ERI1: variants seen among roughly 807,000 people sequenced by gnomAD.
The protein encoded by ERI1 is 3'-5' exoribonuclease 1.
Under a neutral mutation model 39.7 loss-of-function variants are expected in ERI1, and 39 were observed. The observed-to-expected ratio is 0.98, with a 90% CI of 0.76 to 1.28. ERI1 has a LOEUF of 1.28. Ranked by LOEUF, ERI1 falls within the 50% of genes most tolerant of loss-of-function variation. The pLI is 0.00. For missense variants in ERI1, 581 were observed against 416.9 expected (o/e 1.39, Z -3.43); for synonymous variants, 204 against 149.6 (o/e 1.36, Z -2.65).
intron 3 of ERI1, among the ~76,000 whole-genome samples, chr8:9,067,381 C>CGTGT (rs1563369279): frequency 6.2e-4 from 43 of 69,088 alleles, no homozygotes; most frequent in African/African-American, 1.7e-3. Context: ...AACCTGTGTG[C>CGTGT]ATGTGTGTGT....
At chr8:9,063,155 T>C (rs930531661) in intron 3 of ERI1, among the ~76,000 whole-genome samples, 31 of 152,158 alleles carry the variant, frequency 2.0e-4, no homozygotes, top group African/African-American at 7.2e-4. Flanking sequence ...CGGCAGCAGA[T>C]TGGGTAATAA....
chr8:9,087,018 C>T (rs776613437), intron 3 of ERI1, among the ~76,000 whole-genome samples: 2 of 151,918 alleles, frequency 1.3e-5, no homozygotes, highest in Admixed American at 6.6e-5. Flanking sequence ...CTCACCTTCT[C>T]ATCTTATTTT....
chr8:9,012,338 T>G (rs1464174257), intron 3 of ERI1, among the ~76,000 whole-genome samples: 1 of 152,230 alleles, frequency 6.6e-6, no homozygotes, highest in East Asian at 1.9e-4. Flanking sequence ...GCTTTATTAG[T>G]TAAGAAAGTC....
rs183256747 is a variant in ERI1, at chr8:9,029,371, C to G, written c.808-421C>G. On this transcript the variant is annotated intron_variant, in intron 6 of 6. Transcript: ENST00000250263. ...TTTGATGGAGTCTCGCTCTGTTGTT[C>G]AGGCTGGAGTGCATTGGCATGATCT... Among the ~76,000 whole-genome samples the G allele has an allele frequency of 2.0e-4, 31 of 152,202 alleles. No individual in the cohort carries two copies. The East Asian group carries it at 2.3e-3, about 11-fold the overall frequency.
Position 9,046,809 on chromosome 8 carries a change from T to G in ERI1, n.299+26345T>G, listed in dbSNP as rs539739149. Among the ~76,000 whole-genome samples, 3 of 152,290 alleles carry G rather than the reference T, an allele frequency of 2.0e-5. No individual in the cohort carries two copies. In the South Asian group the frequency reaches 6.2e-4, roughly 32 times the overall value. ...TGGAAGAAAGCAGTGGAAGTTCCAC[T>G]CTCACAAGCAGGGCCCACATCGGCC... On this transcript the variant is annotated intron_variant and non_coding_transcript_variant, in intron 3 of 3. Coordinates refer to the ERI1 transcript ENST00000518663.
chr8:9,029,891 G>T lies in ERI1; in HGVS notation c.907G>T (p.Ala303Ser). 6.2e-7 allele frequency: 1 copy of T among 1,614,114 alleles called. No homozygotes were observed. Among genetic ancestry groups the T allele is most frequent in the South Asian group, 1.1e-5 (1 of 91,084 alleles). Reference sequence around the variant, plus strand: ...TGGTCTTGATGACTCTAAGAATATCGCCCGAATAGCAGTTCGAATGCTTCA... The same window carrying T: ...TGGTCTTGATGACTCTAAGAATATCTCCCGAATAGCAGTTCGAATGCTTCA... ...HCGLDDSKNI[A>S]RIAVRMLQDG... The change falls in exon 7 of 7, where the codon GCC (alanine) becomes TCC (serine). Residue 303 changes from alanine to serine, a missense_variant. Coordinates refer to ENST00000250263, the MANE Select transcript of ERI1 (RefSeq NM_153332.4).
rs377678941 is a variant in ERI1, at chr8:9,008,126, T to G, written c.265T>G (p.Ser89Ala). ...MSKEELRAKL[S>A]EFKLETRGVK... ...TAAGGAAGAACTCAGAGCTAAGCTTTCAGAATTCAAGCTTGAAACTAGGTA... is the reference window on the plus strand; with the variant it reads ...TAAGGAAGAACTCAGAGCTAAGCTTGCAGAATTCAAGCTTGAAACTAGGTA... Residue 89 changes from serine (S) to alanine (A), a missense_variant, in exon 2 of 7, where the codon TCA becomes GCA. Coordinates refer to ENST00000250263, the MANE Select transcript of ERI1 (RefSeq NM_153332.4). 2.2e-5 allele frequency: 35 copies of G among 1,594,276 alleles called. No homozygotes were observed. In the African/African-American group the frequency reaches 4.6e-4, roughly 21 times the overall value.
chr8:9,044,570 C>G (rs981151073), intron 3 of ERI1, among the ~76,000 whole-genome samples: 1 of 152,068 alleles, frequency 6.6e-6, no homozygotes, highest in Non-Finnish European at 1.5e-5. Context: ...ACACAGAGGA[C>G]AGTGTAGGAG....
chr8:9,056,393 TAGTG>T (rs1434795403), intron 3 of ERI1, among the ~76,000 whole-genome samples: 1 of 152,230 alleles, frequency 6.6e-6, no homozygotes, highest in Non-Finnish European at 1.5e-5. Flanking sequence ...GTTAAACTAT[TAGTG>T]AGTCCCTAAA....
At chr8:9,034,771 T>G (rs556000737), downstream of ERI1, among the ~76,000 whole-genome samples, 2 of 152,312 alleles carry the variant, frequency 1.3e-5, no homozygotes, top group African/African-American at 2.4e-5. Flanking sequence ...ATGATTAATC[T>G]TAAAGAGGAA....
intron 3 of ERI1, among the ~76,000 whole-genome samples, chr8:9,095,779 C>T (rs1799858004): frequency 6.6e-6 from 1 of 152,072 alleles, no homozygotes; most frequent in African/African-American, 2.4e-5. Flanking sequence ...CCTTGGAATC[C>T]CAAACTGTTA....
At chr8:9,051,757 G>T (rs760850937) in intron 3 of ERI1, among the ~76,000 whole-genome samples, 1 of 151,646 alleles carries the variant, frequency 6.6e-6, no homozygotes, top group Non-Finnish European at 1.5e-5. Flanking sequence ...TTAGATCTTT[G>T]TAAGTGTCCT....
chr8:9,007,895 C>G, intron 1 of ERI1, 75 bp from the exon 2 acceptor site: 2 of 1,485,762 alleles, frequency 1.3e-6, no homozygotes, highest in Non-Finnish European at 8.9e-7. Context: ...AAGTTTGAAT[C>G]TTTAAATCTG....
chr8:9,004,844 C>G (rs534171369), intron 1 of ERI1, among the ~76,000 whole-genome samples: 294 of 152,088 alleles, frequency 1.9e-3, no homozygotes, highest in African/African-American at 6.9e-3. Flanking sequence ...CCCACCACCA[C>G]GCTTGGCTAG....
intron 3 of ERI1, among the ~76,000 whole-genome samples, chr8:9,078,295 C>G (rs1252584354): frequency 2.0e-5 from 3 of 152,102 alleles, no homozygotes; most frequent in Non-Finnish European, 2.9e-5. Flanking sequence ...TGCCCTACCG[C>G]CCTGTGTTTT....
chr8:9,040,207 G>C (rs1797971849), intron 3 of ERI1, among the ~76,000 whole-genome samples: 2 of 152,234 alleles, frequency 1.3e-5, no homozygotes, highest in East Asian at 1.9e-4. Context: ...CTTGGAGAGG[G>C]AAGTGGCCAA....
At chr8:9,052,257 C>T (rs922284727) in intron 3 of ERI1, among the ~76,000 whole-genome samples, 11 of 152,200 alleles carry the variant, frequency 7.2e-5, no homozygotes, top group African/African-American at 2.6e-4. Context: ...TTGTCTCTCT[C>T]TGTGTTCTAT....
intron 6 of ERI1, 26 bp downstream of exon 6, chr8:9,020,490 C>A: frequency 7.3e-7 from 1 of 1,367,864 alleles, no homozygotes. Flanking sequence ...TTAATAATTA[C>A]GTGGTTCTTA....
Position 9,094,985 on chromosome 8 carries a change from A to G in ERI1, n.300-21363A>G, listed in dbSNP as rs993204919. ...CTCAGCTTAAAAACCATTATGGCAC[A>G]AAGGAAAGAGAATGGGCTTTGGAGC... On this transcript the variant is annotated intron_variant and non_coding_transcript_variant, in intron 3 of 3. Transcript: ENST00000518663. Among the ~76,000 whole-genome samples the G allele has an allele frequency of 2.2e-4, 34 of 152,008 alleles. 1 individual carries two copies. The highest frequency in any genetic ancestry group is 8.2e-4 in the African/African-American group (34 of 41,444).
Sources: allele counts gnomAD v4.1 joint callset (sites outside exome capture counted in the v4.1 genomes callset), GRCh38; gene constraint gnomAD v4.1.1; transcripts MANE v1.5; gene names NCBI Gene and HGNC (gene_info 2026-07-23, HGNC 2026-07-21).